The following SNX9 variants were observed in gnomAD, a reference collection of about 807,000 sequenced individuals.
SNX9 encodes the protein sorting nexin 9.
In SNX9, 44 loss-of-function variants were observed where a neutral mutation model predicts 89.4. That is an observed-to-expected ratio of 0.49 (90% confidence interval 0.39 to 0.63). The LOEUF (loss-of-function observed/expected upper bound fraction) is 0.63. Ranked by LOEUF, SNX9 falls within the 30% of genes least tolerant of loss-of-function variation. The pLI is 0.00. For synonymous variants in SNX9, 236 were observed against 247.8 expected, an observed-to-expected ratio of 0.95 and a Z score of 0.45; for missense variants, 578 against 736.1, an observed-to-expected ratio of 0.79 and a Z score of 2.49.
At chr6:157,886,634 A>G (rs1274190726) in intron 4 of SNX9, among the ~76,000 whole-genome samples, 1 of 152,228 alleles carries the variant, frequency 6.6e-6, no homozygotes, top group Admixed American at 6.5e-5. Flanking sequence ...AGCTGGTTTC[A>G]TCTAGAAAGC....
chr6:157,902,212 TA>T (rs57207307), intron 6 of SNX9, among the ~76,000 whole-genome samples, 167 bp downstream of exon 6: 239 of 144,724 alleles, frequency 1.7e-3, no homozygotes, highest in Non-Finnish European at 1.9e-3. Flanking sequence ...GAAGCTTACT[TA>T]AAAAAAAAAA....
intron 1 of SNX9, among the ~76,000 whole-genome samples, chr6:157,828,942 CTGTT>C (rs1241224826): frequency 1.3e-5 from 2 of 152,090 alleles, no homozygotes; most frequent in Non-Finnish European, 2.9e-5. Context: ...GAAGCTGAGA[CTGTT>C]TGTGATCACT....
At chr6:157,867,406 A>G (rs1583207401) in intron 1 of SNX9, 141 bp from the exon 2 acceptor site, 1 of 602,104 alleles carries the variant, frequency 1.7e-6, no homozygotes, top group East Asian at 2.8e-5. Flanking sequence ...TCATTTTGGT[A>G]ATGTCTTCCT....
chr6:157,917,525 A>T (rs1010284514), intron 9 of SNX9, among the ~76,000 whole-genome samples: 2 of 152,090 alleles, frequency 1.3e-5, no homozygotes, highest in Non-Finnish European at 2.9e-5. Flanking sequence ...AATTTTTCTC[A>T]TAAGTTCTTA....
chr6:157,831,446 C>G (rs149942067), intron 1 of SNX9, among the ~76,000 whole-genome samples: 1 of 152,356 alleles, frequency 6.6e-6, no homozygotes, highest in East Asian at 1.9e-4. Flanking sequence ...AAATTTTCCT[C>G]ATCCCCACTA....
intron 1 of SNX9, among the ~76,000 whole-genome samples, chr6:157,834,925 C>T (rs915440814): frequency 6.6e-6 from 1 of 152,178 alleles, no homozygotes; most frequent in Non-Finnish European, 1.5e-5. Flanking sequence ...AATCAATACC[C>T]GTTAGGTTAC....
At chr6:157,911,518 C>T (rs1349163321) in intron 9 of SNX9, among the ~76,000 whole-genome samples, 1 of 152,224 alleles carries the variant, frequency 6.6e-6, no homozygotes, top group East Asian at 1.9e-4. Context: ...CCCACGTGTT[C>T]CTGGACACTT....
chr6:157,874,930 T>TA (rs1782486932), intron 3 of SNX9, 121 bp from the exon 4 acceptor site: 2 of 1,143,004 alleles, frequency 1.7e-6, no homozygotes, highest in Non-Finnish European at 2.4e-6. Context: ...AAGCAGTGCT[T>TA]ACAGAGAAAT....
At chr6:157,837,991 T>G (rs1781617892) in intron 1 of SNX9, among the ~76,000 whole-genome samples, 1 of 152,162 alleles carries the variant, frequency 6.6e-6, no homozygotes, top group Admixed American at 6.5e-5. Context: ...GACAGAAATA[T>G]TCAGTATGCT....
chr6:157,898,999 A>G (rs1783037564), intron 5 of SNX9, among the ~76,000 whole-genome samples: 1 of 152,048 alleles, frequency 6.6e-6, no homozygotes, highest in African/African-American at 2.4e-5. Flanking sequence ...CGGCTTCTCC[A>G]TAATGGCACT....
intron 1 of SNX9, among the ~76,000 whole-genome samples, chr6:157,845,916 T>C (rs894944105): frequency 2.6e-5 from 4 of 152,256 alleles, no homozygotes; most frequent in Non-Finnish European, 2.9e-5. Flanking sequence ...AATAAATCAG[T>C]ATCCTAGTGC....
In SNX9 at chr6:157,875,255, A is replaced by G. The variant is rs892466530; in HGVS notation, c.300+79A>G. On this transcript the variant is annotated intron_variant, in intron 4 of 17. Transcript: ENST00000392185. ...TATTTGTGAAGGCTTGTGATGCATT[A>G]TAGCTATTGCCATTCCCCAAAAGCA... The G allele has an allele frequency of 9.4e-6, 14 of 1,494,946 alleles. No homozygotes were observed. The African/African-American group carries it at 9.9e-5, about 11-fold the overall frequency. The allele number at this position is 1,494,946 out of a possible 1,614,324, so 92.6% of individuals were successfully genotyped here. A position where few individuals can be genotyped will look rare whatever the true frequency, so the allele number is the denominator to read the frequency against.
intron 5 of SNX9, 41 bp downstream of exon 5, chr6:157,897,039 G>A (rs1280252663): frequency 3.3e-6 from 5 of 1,528,026 alleles, no homozygotes; most frequent in Non-Finnish European, 4.4e-6. Context: ...CCCGCCCATG[G>A]CTGAGTGGGA....
chr6:157,929,438 T>C (rs1783763892), intron 12 of SNX9, among the ~76,000 whole-genome samples: 2 of 152,218 alleles, frequency 1.3e-5, no homozygotes, highest in African/African-American at 4.8e-5. Flanking sequence ...TGCTGTCCCA[T>C]GCGCAGATGC....
Position 157,875,505 on chromosome 6 carries a change from CTTG to C in SNX9, c.300+336_300+338del, listed in dbSNP as rs1298963511. Among the ~76,000 whole-genome samples, 6 of 152,242 alleles carry C rather than the reference CTTG, an allele frequency of 3.9e-5. No individual in the cohort carries two copies. The East Asian group carries it at 5.8e-4, about 15-fold the overall frequency. Reference sequence around the variant, plus strand: ...GAAAGAAGAGGAAGAAGAGGAGGCTCTTGTTGTTGAGGAGGTCAGTGTCAGAGC... The same window carrying C: ...GAAAGAAGAGGAAGAAGAGGAGGCTCTTGTTGAGGAGGTCAGTGTCAGAGC... On this transcript the variant is annotated intron_variant, in intron 4 of 17. Coordinates refer to ENST00000392185, the MANE Select transcript of SNX9 (RefSeq NM_016224.5).
At position 157,901,903 on chromosome 6, in the gene SNX9, G is replaced by C. The variant is rs774097555; in HGVS notation, c.478G>C (p.Gly160Arg). 5 of 1,603,704 alleles carry C rather than the reference G, an allele frequency of 3.1e-6. No homozygotes were observed. In the East Asian group the frequency reaches 9.0e-5, roughly 29 times the overall value. Residue 160 changes from glycine to arginine, a missense_variant, in exon 6 of 18, where the codon GGT becomes CGT. By Grantham distance (125) the Gly-to-Arg change is moderately radical. Transcript: ENST00000392185. The part of the protein sequence containing the change: ...HPQAYQGPAT[G>R]DDDDWDEDWD... The stretch of plus-strand genomic sequence containing the variant: ...TCTTCCATTTTCACCTCTAGCAACT[G>C]GTGATGATGATGACTGGGATGAAGA...
intron 14 of SNX9, among the ~76,000 whole-genome samples, chr6:157,936,676 G>T (rs1469448835): frequency 6.6e-6 from 1 of 152,122 alleles, no homozygotes; most frequent in Non-Finnish European, 1.5e-5. Context: ...ATCTGCAGTG[G>T]TAGTGCCTAC....
intron 4 of SNX9, among the ~76,000 whole-genome samples, chr6:157,879,758 T>C (rs1295180870): frequency 1.3e-5 from 2 of 152,230 alleles, no homozygotes; most frequent in East Asian, 1.9e-4. Flanking sequence ...GTTATTGTTG[T>C]TTAGATTACA....
intron 4 of SNX9, among the ~76,000 whole-genome samples, chr6:157,889,286 C>G (rs1404344719): frequency 2.0e-5 from 3 of 151,946 alleles, no homozygotes; most frequent in African/African-American, 7.3e-5. Context: ...CAAAAATTAG[C>G]TGGGTGTGGT....
Sources: gnomAD v4.1 joint callset for allele counts (sites outside exome capture counted in the v4.1 genomes callset) on GRCh38, gnomAD v4.1.1 for gene constraint, MANE v1.5 for transcripts, NCBI Gene and HGNC (gene_info 2026-07-23, HGNC 2026-07-21) for gene names.